The following PDGFC variants were observed in gnomAD, a reference collection of about 807,000 sequenced individuals.
The protein encoded by PDGFC is platelet derived growth factor C, also known as platelet-derived growth factor C.
In PDGFC, 12 loss-of-function variants were observed where a neutral mutation model predicts 35.5. That is an observed-to-expected ratio of 0.34 (90% CI 0.22 to 0.55). The LOEUF (loss-of-function observed/expected upper bound fraction) is 0.55, where lower values mean the gene tolerates loss of function less well. Among genes scored for constraint, PDGFC ranks in the 20% least tolerant of loss-of-function variants. The probability of loss-of-function intolerance (pLI) is 0.91; values close to 1 mark genes in which losing one functional copy is unlikely to be tolerated. For missense variants in PDGFC, 322 were observed against 412.4 expected (o/e 0.78, Z 1.90); for synonymous variants, 159 against 148.8 (o/e 1.07, Z -0.50).
chr4:156,868,676 G>C (rs539350008), intron 1 of PDGFC, among the ~76,000 whole-genome samples: 8 of 152,200 alleles, frequency 5.3e-5, no homozygotes, highest in East Asian at 1.9e-4. Flanking sequence ...TTTTCTATCA[G>C]TGAACCACCT....
chr4:156,904,878 A>C lies in PDGFC; in HGVS notation c.119-54462T>G, dbSNP rs142322353. Among the ~76,000 whole-genome samples the C allele has an allele frequency of 3.5e-3, 528 of 152,246 alleles. 4 individuals are homozygous for C. The highest frequency in any genetic ancestry group is 0.012 in the African/African-American group (498 of 41,554). On this transcript the variant is annotated intron_variant, in intron 1 of 5. Transcript: ENST00000502773. ...AAGTAAGGCTCAGTGACAGCAGAGAATTGATATGTTGTTTGCTGCTGAATT... is the reference window on the plus strand; with the variant it reads ...AAGTAAGGCTCAGTGACAGCAGAGACTTGATATGTTGTTTGCTGCTGAATT...
intron 3 of PDGFC, among the ~76,000 whole-genome samples, chr4:156,783,493 A>G (rs949981469): frequency 6.6e-6 from 1 of 152,148 alleles, no homozygotes; most frequent in Non-Finnish European, 1.5e-5. Context: ...TTTGTTAATA[A>G]TAACTGCTTT....
intron 2 of PDGFC, among the ~76,000 whole-genome samples, chr4:156,834,561 C>T (rs200829193): frequency 1.8e-4 from 28 of 152,158 alleles, no homozygotes; most frequent in East Asian, 1.4e-3. Flanking sequence ...AAGAAGTAGA[C>T]GATGTTTTTG....
intron 1 of PDGFC, among the ~76,000 whole-genome samples, chr4:156,887,881 C>T (rs1405510410): frequency 6.6e-6 from 1 of 151,202 alleles, no homozygotes; most frequent in Non-Finnish European, 1.5e-5. Flanking sequence ...CATGTGCCTG[C>T]AGTCCCAGGT....
At chr4:156,842,810 T>C (rs1729236429) in intron 2 of PDGFC, among the ~76,000 whole-genome samples, 1 of 152,224 alleles carries the variant, frequency 6.6e-6, no homozygotes, top group African/African-American at 2.4e-5. Context: ...TATTTTATTT[T>C]CAGTAACTGT....
chr4:156,934,486 CATT>C (rs1187662356), intron 1 of PDGFC, among the ~76,000 whole-genome samples: 2 of 152,118 alleles, frequency 1.3e-5, no homozygotes, highest in African/African-American at 4.8e-5. Flanking sequence ...AGGCCTAGCA[CATT>C]ACTGTACACT....
At chr4:156,860,377 C>T (rs976483465) in intron 1 of PDGFC, among the ~76,000 whole-genome samples, 2 of 152,052 alleles carry the variant, frequency 1.3e-5, no homozygotes, top group African/African-American at 2.4e-5. Flanking sequence ...CATTCACGAC[C>T]TTCGAGCAAG....
intron 1 of PDGFC, among the ~76,000 whole-genome samples, chr4:156,926,753 C>T (rs1217396010): frequency 6.6e-6 from 1 of 152,170 alleles, no homozygotes; most frequent in Non-Finnish European, 1.5e-5. Context: ...TGTGGGCTGG[C>T]GTTGAGTGTC....
intron 1 of PDGFC, among the ~76,000 whole-genome samples, chr4:156,928,264 TG>T (rs1731464605): frequency 6.6e-6 from 1 of 152,136 alleles, no homozygotes; most frequent in Non-Finnish European, 1.5e-5. Flanking sequence ...TCCGTCTATG[TG>T]ATTTTTTTAA....
intron 1 of PDGFC, among the ~76,000 whole-genome samples, chr4:156,958,699 G>A (rs953047356): frequency 6.6e-6 from 1 of 151,994 alleles, no homozygotes; most frequent in Non-Finnish European, 1.5e-5. Context: ...TTAATGCGCA[G>A]CACAACATAT....
chr4:156,954,476 G>C (rs1208333998), intron 1 of PDGFC, among the ~76,000 whole-genome samples: 3 of 151,894 alleles, frequency 2.0e-5, no homozygotes, highest in Non-Finnish European at 4.4e-5. Flanking sequence ...TAACTAGAAA[G>C]AGCAAAAGGG....
intron 3 of PDGFC, among the ~76,000 whole-genome samples, chr4:156,804,753 CT>C (rs1344252648): frequency 6.6e-6 from 1 of 151,914 alleles, no homozygotes; most frequent in Non-Finnish European, 1.5e-5. Context: ...ATAATTTTAA[CT>C]TGCACCATAT....
intron 1 of PDGFC, among the ~76,000 whole-genome samples, chr4:156,923,126 T>C (rs977304961): frequency 7.2e-5 from 11 of 152,326 alleles, no homozygotes; most frequent in African/African-American, 2.6e-4. Context: ...TTTCATGATC[T>C]GCAAAGCTGT....
chr4:156,803,305 G>A (rs1190166265), intron 3 of PDGFC, among the ~76,000 whole-genome samples: 1 of 152,078 alleles, frequency 6.6e-6, no homozygotes, highest in African/African-American at 2.4e-5. Context: ...AACATAAAAA[G>A]AACAGAAACG....
At chr4:156,842,030 G>C (rs1329918469) in intron 2 of PDGFC, 1 of 152,018 alleles carries the variant, frequency 6.6e-6, no homozygotes, top group East Asian at 1.9e-4. Flanking sequence ...CCTCTTCTCA[G>C]GTCCCATGTA....
At chr4:156,962,134 C>T (rs1047209773) in intron 1 of PDGFC, among the ~76,000 whole-genome samples, 1 of 152,128 alleles carries the variant, frequency 6.6e-6, no homozygotes. Context: ...GTCAACCCTG[C>T]AGGAAGTACA....
At chr4:156,780,796 G>A (rs2110845405) in intron 3 of PDGFC, among the ~76,000 whole-genome samples, 1 of 152,164 alleles carries the variant, frequency 6.6e-6, no homozygotes, top group East Asian at 2.0e-4. Context: ...TAGAATGTAT[G>A]CAAAGGTCAG....
At chr4:156,892,393 A>G (rs1301886961) in intron 1 of PDGFC, among the ~76,000 whole-genome samples, 1 of 152,216 alleles carries the variant, frequency 6.6e-6, no homozygotes, top group Non-Finnish European at 1.5e-5. Context: ...TTTCTTCCCC[A>G]GAAACATTCT....
At chr4:156,806,308 G>C (rs1439691390) in intron 3 of PDGFC, among the ~76,000 whole-genome samples, 1 of 152,002 alleles carries the variant, frequency 6.6e-6, no homozygotes, top group African/African-American at 2.4e-5. Flanking sequence ...GACTCAATTT[G>C]TATGGTGGCT....
Sources: allele counts gnomAD v4.1 joint callset (sites outside exome capture counted in the v4.1 genomes callset), GRCh38; gene constraint gnomAD v4.1.1; transcripts MANE v1.5; gene names NCBI Gene and HGNC (gene_info 2026-07-23, HGNC 2026-07-21).